The following DNAH8 variants were observed in gnomAD, a reference collection of about 807,000 sequenced individuals.
DNAH8 encodes the protein dynein axonemal heavy chain 8.
DNAH8 carries 382 observed loss-of-function variants against 562.1 expected under a neutral mutation model. The ratio of observed to expected loss-of-function variants is 0.68; its 90% CI spans 0.63 to 0.74. The LOEUF is 0.74. Among genes scored for constraint, DNAH8 ranks in the 30% least tolerant of loss-of-function variants. DNAH8 has a pLI of 0.00. For missense variants in DNAH8, 5,203 were observed against 5,620.4 expected (o/e 0.93, Z 2.37); for synonymous variants, 1,881 against 1,919.4 (o/e 0.98, Z 0.52).
intron 30 of DNAH8, among the ~76,000 whole-genome samples, chr6:38,831,446 A>AAG (rs1554222846): frequency 2.0e-5 from 3 of 151,540 alleles, no homozygotes; most frequent in African/African-American, 7.3e-5. Context: ...AAAAAAAAAA[A>AAG]AAAAGAAAAA....
At chr6:38,832,761 C>A (rs1212885801) in intron 31 of DNAH8, among the ~76,000 whole-genome samples, 1 of 152,146 alleles carries the variant, frequency 6.6e-6, no homozygotes. Flanking sequence ...GGGCTGCATT[C>A]AAAGCTGTCC....
intron 13 of DNAH8, among the ~76,000 whole-genome samples, chr6:38,776,545 A>G (rs567295619): frequency 7.4e-4 from 113 of 152,280 alleles, no homozygotes; most frequent in Middle Eastern, 3.4e-3. Flanking sequence ...TAAAATTTGT[A>G]TTTGCTTCTT....
Position 38,931,979 on chromosome 6 carries a change from C to A in DNAH8, c.11443C>A (p.Leu3815Ile). The change falls in exon 76 of 93, where the codon CTA becomes ATA. Residue 3815 changes from leucine to isoleucine, a missense_variant. Coordinates refer to ENST00000327475, the MANE Select transcript of DNAH8 (RefSeq NM_001206927.2). ...GAATCAGTTACTAAGGAGAGTCATTCTAACAGAGAAACAGGTAATCTCTCT... is the reference window on the plus strand; with the variant it reads ...GAATCAGTTACTAAGGAGAGTCATTATAACAGAGAAACAGGTAATCTCTCT... ...LENQLLRRVI[L>I]TEKQELEAER... is the part of the protein sequence containing the mutation. 2 of 1,589,400 alleles carry A rather than the reference C, an allele frequency of 1.3e-6. No individual in the cohort carries two copies. Among genetic ancestry groups the A allele is most frequent in the Admixed American group, 1.8e-5 (1 of 55,988 alleles).
intron 45 of DNAH8, among the ~76,000 whole-genome samples, chr6:38,865,587 G>C (rs530711596): frequency 1.3e-5 from 2 of 152,302 alleles, no homozygotes; most frequent in East Asian, 3.9e-4. Flanking sequence ...GCTACAGAAA[G>C]CATCTCTATT....
intron 62 of DNAH8, among the ~76,000 whole-genome samples, chr6:38,901,832 C>A (rs1365661502): frequency 6.6e-6 from 1 of 152,138 alleles, no homozygotes; most frequent in African/African-American, 2.4e-5. Flanking sequence ...TTTAATTTTA[C>A]TTCAAAAAAT....
intron 82 of DNAH8, among the ~76,000 whole-genome samples, chr6:38,955,900 A>T (rs1156316409): frequency 6.6e-6 from 1 of 152,178 alleles, no homozygotes; most frequent in African/African-American, 2.4e-5. Flanking sequence ...CAGATCTGCC[A>T]ATTGTGCTTC....
At chr6:38,898,472 C>G in intron 61 of DNAH8, 92 bp downstream of exon 61, 4 of 1,099,656 alleles carry the variant, frequency 3.6e-6, no homozygotes, top group Non-Finnish European at 5.0e-6. Context: ...TAACTATATA[C>G]TATCAGGTAC....
intron 65 of DNAH8, 26 bp from the exon 66 acceptor site, chr6:38,911,442 T>C: frequency 6.6e-7 from 1 of 1,505,998 alleles, no homozygotes. Context: ...ATGATTGAAA[T>C]GGTCCTTTTA....
Position 38,723,376 on chromosome 6 carries a change from A to G in DNAH8, c.430A>G (p.Ile144Val). ...GGCAAGGGAAAGCCGAAGACTGAAA[A>G]TTGACCCTTCATACAAATATATATT... Reference protein sequence around the residue: ...REARESRRLKIDPSYKYIFEI... With the variant: ...REARESRRLKVDPSYKYIFEI... Residue 144 changes from isoleucine (I) to valine (V), a missense_variant, in exon 3 of 93, where the codon ATT becomes GTT. By Grantham distance (29) the Ile-to-Val change is conservative. Transcript: ENST00000327475. 2.5e-6 allele frequency: 4 copies of G among 1,612,100 alleles called. No homozygotes were observed. Among genetic ancestry groups the G allele is most frequent in the Non-Finnish European group, 3.4e-6 (4 of 1,179,762 alleles).
At chr6:38,958,781 G>A (rs10755703) in intron 82 of DNAH8, among the ~76,000 whole-genome samples, 119,605 of 152,022 alleles carry the variant, frequency 0.79, 47,532 homozygotes, top group African/African-American at 0.9. Context: ...AATTTTTTCA[G>A]ACTCATTCTA....
intron 1 of DNAH8, among the ~76,000 whole-genome samples, chr6:38,715,950 A>ATTTTTTTTTT (rs70981580): frequency 9.6e-5 from 3 of 31,250 alleles, no homozygotes; most frequent in African/African-American, 3.6e-4. Context: ...ATATATATAT[A>ATTTTTTTTTT]TATATATATA....
chr6:38,965,626 TAAAAC>T (rs1762919509), intron 82 of DNAH8, among the ~76,000 whole-genome samples: 1 of 152,138 alleles, frequency 6.6e-6, no homozygotes, highest in South Asian at 2.1e-4. Flanking sequence ...TACAAACAAT[TAAAAC>T]AAAACCTAAA....
In DNAH8 at chr6:38,748,063, G is replaced by A. The variant is rs9462454; in HGVS notation, c.1294-2413G>A. ...AGAATCGACATTTGGATTGTTTCTA[G>A]TTTGGGGTTATTGCAAGCAATGATT... On this transcript the variant is annotated intron_variant, in intron 8 of 92. Transcript: ENST00000327475. Among the ~76,000 whole-genome samples the A allele has an allele frequency of 9.0e-3, 1,369 of 152,256 alleles. 13 individuals carry two copies. The highest frequency in any genetic ancestry group is 0.067 in the South Asian group (324 of 4,828).
intron 82 of DNAH8, among the ~76,000 whole-genome samples, chr6:38,954,059 T>C (rs552175722): frequency 1.6e-4 from 25 of 152,250 alleles, no homozygotes; most frequent in African/African-American, 5.8e-4. Context: ...TAAGTTTTTG[T>C]AGAAAAAGAG....
chr6:39,025,617 C>T (rs1443300630), intron 91 of DNAH8, among the ~76,000 whole-genome samples: 1 of 152,172 alleles, frequency 6.6e-6, no homozygotes, highest in Non-Finnish European at 1.5e-5. Context: ...CTCTCCCCTC[C>T]CCCAACTCCC....
rs1554124175 is a variant in DNAH8 at position 38,874,068 on chromosome 6, T to TTTTCTTTCTTTCTTTCTTTCTTTCTTTC, written c.7620+694_7620+721dup. On this transcript the variant is annotated intron_variant, in intron 52 of 92. Coordinates refer to ENST00000327475, the MANE Select transcript of DNAH8 (RefSeq NM_001206927.2). The stretch of plus-strand genomic sequence containing the variant: ...TTTCTTTCTTTCTTTCTTTCTTTCT[T>TTTTCTTTCTTTCTTTCTTTCTTTCTTTC]TTTCTTTCTTTCTTTCTTTCTTTCT... 7.0e-5 allele frequency among the ~76,000 whole-genome samples: 4 copies of TTTTCTTTCTTTCTTTCTTTCTTTCTTTC among 57,076 alleles called. 1 individual carries two copies. The highest frequency in any genetic ancestry group is 2.6e-4 in the African/African-American group (4 of 15,638). The allele number at this position is 57,076 out of a possible 152,430, so 37.4% of individuals were successfully genotyped here.
chr6:38,864,063 G>T lies in DNAH8; in HGVS notation c.6498+3G>T. ...AATTTGGAATCTTCTTAACGATGGT[G>T]AGAAAAAAGGCTTTAAATGCAATTT... On this transcript the variant is annotated splice_donor_region_variant and intron_variant, in intron 45 of 92. Coordinates refer to ENST00000327475, the MANE Select transcript of DNAH8 (RefSeq NM_001206927.2). 3 of 1,598,900 alleles carry T rather than the reference G, an allele frequency of 1.9e-6. No homozygotes were observed. The highest frequency in any genetic ancestry group is 2.6e-6 in the Non-Finnish European group (3 of 1,176,448).
At chr6:39,026,406 C>G in intron 91 of DNAH8, 140 bp from the exon 92 acceptor site, 1 of 769,068 alleles carries the variant, frequency 1.3e-6, no homozygotes, top group Non-Finnish European at 2.1e-6. Context: ...AAATGTCTCC[C>G]CTGGGGTTTG....
At chr6:38,887,197 T>C (rs1160234091) in intron 57 of DNAH8, among the ~76,000 whole-genome samples, 193 bp downstream of exon 57, 1 of 152,174 alleles carries the variant, frequency 6.6e-6, no homozygotes, top group Non-Finnish European at 1.5e-5. Context: ...CTCAGAGATA[T>C]TTAAAAATAG....
Sources: allele counts gnomAD v4.1 joint callset (sites outside exome capture counted in the v4.1 genomes callset), GRCh38; gene constraint gnomAD v4.1.1; transcripts MANE v1.5; gene names NCBI Gene and HGNC (gene_info 2026-07-23, HGNC 2026-07-21).